Variants in BICDL1 observed in about 807,000 individuals in gnomAD.
BICDL1 encodes BICD family-like cargo adapter 1.
BICDL1 carries 20 observed loss-of-function variants against 76.8 expected under a neutral mutation model. That is an observed-to-expected ratio of 0.26 (90% CI 0.18 to 0.38). BICDL1 has a LOEUF of 0.38. Ranked by LOEUF, BICDL1 falls within the 10% of genes least tolerant of loss-of-function variation. The pLI, the probability that BICDL1 is intolerant of heterozygous loss-of-function variation, is 1.00. For missense variants in BICDL1, 700 were observed against 798.6 expected (o/e 0.88, Z 1.49); for synonymous variants, 383 against 337.1 (o/e 1.14, Z -1.49).
At chr12:119,999,669 T>G (rs1383014351) in intron 2 of BICDL1, 5 of 317,542 alleles carry the variant, frequency 1.6e-5, no homozygotes, top group Non-Finnish European at 3.0e-5. Context: ...TGAGGCTAAA[T>G]AGATGGAAAT....
intron 2 of BICDL1, among the ~76,000 whole-genome samples, chr12:120,049,605 G>A (rs1952814677): frequency 6.6e-6 from 1 of 151,984 alleles, no homozygotes; most frequent in Admixed American, 6.6e-5. Context: ...TTTTCATTGG[G>A]CATCTTGAGT....
chr12:120,071,777 G>T lies in BICDL1; in HGVS notation c.1065G>T (p.Glu355Asp). Residue 355 changes from glutamate (E) to aspartate (D), a missense_variant, in exon 5 of 10, where the codon GAG becomes GAT. By Grantham distance (45) the Glu-to-Asp change is conservative. Coordinates refer to ENST00000548673, the MANE Select transcript of BICDL1 (RefSeq NM_001367886.1). This position sits in a 1 kb window ranked among gnomAD's most constrained non-coding sequence, Gnocchi z 4.8. Reference sequence around the variant, plus strand: ...AGATCGAGCAGAGCATGGAGGCTGAGGAGCTGGAGCAGGAGCGAGAGCAGG... The same window carrying T: ...AGATCGAGCAGAGCATGGAGGCTGATGAGCTGGAGCAGGAGCGAGAGCAGG... ...LSEIEQSMEA[E>D]ELEQEREQLR... The T allele has an allele frequency of 6.2e-7, 1 of 1,610,024 alleles. No homozygotes were observed. Among genetic ancestry groups the T allele is most frequent in the Non-Finnish European group, 8.5e-7 (1 of 1,179,040 alleles).
At chr12:120,063,640 C>G (rs552948264) in intron 3 of BICDL1, among the ~76,000 whole-genome samples, 1 of 152,238 alleles carries the variant, frequency 6.6e-6, no homozygotes, top group South Asian at 2.1e-4. Flanking sequence ...CAAAGCTGGA[C>G]TAGAGAGCTT....
intron 1 of BICDL1, among the ~76,000 whole-genome samples, chr12:119,997,080 C>A (rs1951665626): frequency 6.6e-6 from 1 of 151,942 alleles, no homozygotes; most frequent in Admixed American, 6.6e-5. Context: ...TCCTGGGTAG[C>A]TGGGACTGCA....
Position 119,998,503 on chromosome 12 carries a change from C to A in BICDL1, c.430-18C>A. On this transcript the variant is annotated intron_variant, in intron 1 of 9. Transcript: ENST00000548673. ...TGGAATTTTTATCAGTGTTTAAATC[C>A]CTTCACTTTTCACCCAGCACTTAGA... 1 of 1,573,680 alleles carries A rather than the reference C, an allele frequency of 6.4e-7. No individual in the cohort carries two copies. Among genetic ancestry groups the A allele is most frequent in the Non-Finnish European group, 8.6e-7 (1 of 1,162,118 alleles).
At chr12:120,084,847 G>T (rs919688378) in intron 8 of BICDL1, among the ~76,000 whole-genome samples, 6 of 150,050 alleles carry the variant, frequency 4.0e-5, no homozygotes, top group Middle Eastern at 6.4e-3. Flanking sequence ...CTGAGATCAC[G>T]CCATTGCACT....
chr12:120,077,073 C>G (rs1213143888), intron 7 of BICDL1, among the ~76,000 whole-genome samples: 2 of 152,248 alleles, frequency 1.3e-5, no homozygotes, highest in Non-Finnish European at 2.9e-5. Flanking sequence ...AGCTCCTGGA[C>G]TGGGCTCAAA....
chr12:120,061,695 TCTC>T lies in BICDL1; in HGVS notation c.646-11_646-9del, dbSNP rs1953108253. ...ATAACCTCCGAATCAGCTCTGCAGGTCTCCTCTGTTTCAGGCATCAGAAGTTGA... is the reference window on the plus strand; with the variant it reads ...ATAACCTCCGAATCAGCTCTGCAGGTCTCTGTTTCAGGCATCAGAAGTTGA... On this transcript the variant is annotated splice_polypyrimidine_tract_variant and intron_variant, in intron 2 of 9. Transcript: ENST00000548673. The T allele has an allele frequency of 1.3e-6, 2 of 1,567,052 alleles. No individual in the cohort carries two copies. The highest frequency in any genetic ancestry group is 1.8e-6 in the Non-Finnish European group (2 of 1,137,016).
Position 120,072,698 on chromosome 12 carries a change from T to C in BICDL1, c.1277T>C (p.Ile426Thr). 6.2e-7 allele frequency: 1 copy of C among 1,613,626 alleles called. No homozygotes were observed. The highest frequency in any genetic ancestry group is 1.3e-5 in the African/African-American group (1 of 75,028). The change falls in exon 6 of 10, where the codon ATA (isoleucine) becomes ACA (threonine). Residue 426 changes from isoleucine (I) to threonine (T), a missense_variant. Coordinates refer to ENST00000548673, the MANE Select transcript of BICDL1 (RefSeq NM_001367886.1). ...RTALNELKRLIQSIVDGMEPT... is the reference protein window; with the variant it reads ...RTALNELKRLTQSIVDGMEPT... The stretch of plus-strand genomic sequence containing the variant: ...GCCCTCAATGAGCTCAAGAGACTGA[T>C]ACAGAGCATTGTGGATGGCATGGAG...
At position 119,989,462 on chromosome 12, in the gene BICDL1, G is replaced by GGCGGCAGCAGCA. The variant is rs1555277935; in HGVS notation, c.-405_-404insGGCAGCAGCAGC. Among the ~76,000 whole-genome samples, 9 of 146,968 alleles carry GGCGGCAGCAGCA rather than the reference G, an allele frequency of 6.1e-5. No individual in the cohort carries two copies. The highest frequency in any genetic ancestry group is 2.2e-4 in the African/African-American group (9 of 40,436). ...CGTGAGGCGCTGCCCGGCCGGCGGC[G>GGCGGCAGCAGCA]GCAGCAGCAGCAGCAGCGGCAGCGG... is the stretch of plus-strand genomic sequence containing the variant. On this transcript the variant is annotated 5_prime_UTR_variant, in exon 1 of 10. Transcript: ENST00000548673.
intron 2 of BICDL1, among the ~76,000 whole-genome samples, chr12:120,049,546 T>C (rs1337547246): frequency 6.6e-6 from 1 of 152,228 alleles, no homozygotes; most frequent in East Asian, 1.9e-4. Context: ...CTCTGCAGTT[T>C]CTTTATGATA....
At chr12:120,026,763 G>A in intron 2 of BICDL1, among the ~76,000 whole-genome samples, 1 of 152,204 alleles carries the variant, frequency 6.6e-6, no homozygotes, top group East Asian at 1.9e-4. Flanking sequence ...GCTCTAGCTT[G>A]TCAGCCATCT....
At chr12:120,048,670 G>A (rs1207679961) in intron 2 of BICDL1, among the ~76,000 whole-genome samples, 1 of 152,164 alleles carries the variant, frequency 6.6e-6, no homozygotes, top group Non-Finnish European at 1.5e-5. Context: ...GTGTAATGAA[G>A]GAGTTCACTT....
intron 1 of BICDL1, among the ~76,000 whole-genome samples, chr12:119,995,572 A>C (rs950525400): frequency 6.6e-6 from 1 of 152,234 alleles, no homozygotes; most frequent in Non-Finnish European, 1.5e-5. Context: ...AGTTCTTGCC[A>C]TTGCCTTCTG....
intron 2 of BICDL1, among the ~76,000 whole-genome samples, chr12:120,036,330 A>T (rs2138785836): frequency 6.6e-6 from 1 of 152,320 alleles, no homozygotes; most frequent in Non-Finnish European, 1.5e-5. Flanking sequence ...TTATGAATTT[A>T]CTCAGTTATC....
chr12:120,064,753 G>T lies in BICDL1; in HGVS notation c.783G>T (p.Arg261=). 6.2e-7 allele frequency: 1 copy of T among 1,612,198 alleles called. No individual in the cohort carries two copies. The highest frequency in any genetic ancestry group is 8.5e-7 in the Non-Finnish European group (1 of 1,179,170). Reference sequence around the variant, plus strand: ...TTCAGATCAAGATGCTGTCAGATCGGAAACGGGAGCTGGAGCATCGTCTCA... The same window carrying T: ...TTCAGATCAAGATGCTGTCAGATCGTAAACGGGAGCTGGAGCATCGTCTCA... The part of the protein sequence containing the change: ...LQAEIKMLSD[R]KRELEHRLSA... Residue 261 remains arginine, a synonymous_variant, in exon 4 of 10, where the codon CGG becomes CGT. Transcript: ENST00000548673.
Position 120,020,646 on chromosome 12 carries a change from A to G in BICDL1, c.645+21910A>G, listed in dbSNP as rs371285074. On this transcript the variant is annotated intron_variant, in intron 2 of 9. Coordinates refer to ENST00000548673, the MANE Select transcript of BICDL1 (RefSeq NM_001367886.1). Reference sequence around the variant, plus strand: ...GGGAATAACCATTCCAACTCCTAATAAAATAACTGATTCAGGCAAAAATCA... The same window carrying G: ...GGGAATAACCATTCCAACTCCTAATGAAATAACTGATTCAGGCAAAAATCA... Among the ~76,000 whole-genome samples the G allele has an allele frequency of 4.6e-5, 7 of 152,328 alleles. No homozygotes were observed. The East Asian group carries it at 7.7e-4, about 17-fold the overall frequency.
intron 2 of BICDL1, among the ~76,000 whole-genome samples, chr12:120,036,459 G>A (rs900498790): frequency 3.3e-5 from 5 of 152,308 alleles, no homozygotes; most frequent in African/African-American, 4.8e-5. Context: ...TACTGGGAGC[G>A]TTAGACTTGT....
rs1323333607 is a variant in BICDL1 at position 120,089,964 on chromosome 12, G to A, written c.1597G>A (p.Glu533Lys). Reference protein sequence around the residue: ...DEAIAKKNAVELELAKCRMDM... With the variant: ...DEAIAKKNAVKLELAKCRMDM... ...GTCTGTTCTCAGGAAGAATGCTGTG[G>A]AGCTGGAACTTGCCAAGTGCAGGAT... The change falls in exon 9 of 10, where the codon GAG becomes AAG. Residue 533 changes from glutamate to lysine, a missense_variant. Around this residue, in one of 3 missense-constraint regions of BICDL1, gnomAD observed 455 missense variants for 548.7 expected, o/e 0.83. Coordinates refer to ENST00000548673, the MANE Select transcript of BICDL1 (RefSeq NM_001367886.1). The A allele has an allele frequency of 6.2e-7, 1 of 1,614,162 alleles. No homozygotes were observed.
Sources: gnomAD v4.1 joint callset for allele counts (sites outside exome capture counted in the v4.1 genomes callset) on GRCh38, gnomAD v4.1.1 for gene constraint, gnomAD v4.1.1 regional missense constraint, Gnocchi (gnomAD v3.1) non-coding constraint, MANE v1.5 for transcripts, NCBI Gene and HGNC (gene_info 2026-07-23, HGNC 2026-07-21) for gene names.